The following FAM149B1 variants were observed in gnomAD, a reference collection of about 807,000 sequenced individuals.
The protein encoded by FAM149B1 is primary cilium assembly protein FAM149B1.
Under a neutral mutation model 75.3 loss-of-function variants are expected in FAM149B1, and 56 were observed. The observed-to-expected ratio is 0.74, with a 90% CI of 0.60 to 0.93. The LOEUF is 0.93. Among genes scored for constraint, FAM149B1 ranks in the 40% least tolerant of loss-of-function variants. FAM149B1 has a pLI of 0.00. For missense variants in FAM149B1, 639 were observed against 708.4 expected, an observed-to-expected ratio of 0.90 and a Z score of 1.11; for synonymous variants, 259 against 256.1, an observed-to-expected ratio of 1.01 and a Z score of -0.11.
intron 7 of FAM149B1, among the ~76,000 whole-genome samples, chr10:73,225,386 T>G (rs1255325735): frequency 2.6e-5 from 4 of 152,174 alleles, no homozygotes; most frequent in African/African-American, 9.7e-5. Context: ...CCTCATCCTA[T>G]GTAGGCCTAG....
chr10:73,221,095 T>C (rs1249921027), intron 7 of FAM149B1, among the ~76,000 whole-genome samples: 1 of 151,966 alleles, frequency 6.6e-6, no homozygotes, highest in Non-Finnish European at 1.5e-5. Flanking sequence ...AGAGACAGAG[T>C]TTAGTGGTTG....
chr10:73,221,592 C>A (rs1002745012), intron 7 of FAM149B1, among the ~76,000 whole-genome samples: 3 of 151,904 alleles, frequency 2.0e-5, no homozygotes, highest in African/African-American at 7.3e-5. Flanking sequence ...TGGTTTTGAA[C>A]AATTTGACTA....
intron 5 of FAM149B1, among the ~76,000 whole-genome samples, chr10:73,202,403 G>A (rs1041322668): frequency 1.3e-5 from 2 of 151,404 alleles, no homozygotes; most frequent in Non-Finnish European, 2.9e-5. Flanking sequence ...GGAATAATAC[G>A]ATAGCAGAAT....
In FAM149B1 at chr10:73,228,161, G is replaced by A; in HGVS notation, c.1000G>A (p.Val334Met). ...GTTACCGCGAGTGCCACAGTCTAAG[G>A]TGCTGTACATTACCTCAAATCCGGT... is the stretch of plus-strand genomic sequence containing the variant. ...LVLPRVPQSKVLYITSNPMSL... is the reference protein window; with the variant it reads ...LVLPRVPQSKMLYITSNPMSL... The change falls in exon 8 of 14, where the codon GTG becomes ATG. Residue 334 changes from valine (V) to methionine (M), a missense_variant. By Grantham distance (21) the Val-to-Met change is conservative (BLOSUM62 1). Transcript: ENST00000242505. 6.4e-7 allele frequency: 1 copy of A among 1,551,600 alleles called. No homozygotes were observed. The highest frequency in any genetic ancestry group is 1.2e-5 in the South Asian group (1 of 84,046).
chr10:73,212,327 C>T (rs2043203227), intron 7 of FAM149B1, among the ~76,000 whole-genome samples: 1 of 152,204 alleles, frequency 6.6e-6, no homozygotes, highest in Non-Finnish European at 1.5e-5. Context: ...GTCACCCAGG[C>T]TGGAGTGCAG....
At position 73,243,364 on chromosome 10, in the gene FAM149B1, A is replaced by G. The variant is rs759232312; in HGVS notation, c.*2345A>G. ...CTGCACCTTGCCTACGATGGCATCA[A>G]TTTACACCTAAGGACCTTTGAAGAG... is the stretch of plus-strand genomic sequence containing the variant. On this transcript the variant is annotated 3_prime_UTR_variant, in exon 14 of 14. Coordinates refer to ENST00000242505, the MANE Select transcript of FAM149B1 (RefSeq NM_173348.2). 4.3e-6 allele frequency: 7 copies of G among 1,610,214 alleles called. No individual in the cohort carries two copies. Among genetic ancestry groups the G allele is most frequent in the Non-Finnish European group, 5.9e-6 (7 of 1,179,364 alleles).
Position 73,210,252 on chromosome 10 carries a change from G to A in FAM149B1, c.712G>A (p.Glu238Lys). ...CTTTCCTTCTTGCTTCTGTTACAGA[G>A]AAGAGGGATTTCATGGGAAGAAATC... ...EYLAFDHIDI[E>K]EGFHGKKSEA... The change falls in exon 7 of 14, where the codon GAA becomes AAA. Residue 238 changes from glutamate (E) to lysine (K), a missense_variant and splice_region_variant. Physicochemically the swap from Glu to Lys is moderately conservative, Grantham distance 56. Transcript: ENST00000242505. The A allele has an allele frequency of 2.6e-6, 4 of 1,549,462 alleles. No homozygotes were observed. Among genetic ancestry groups the A allele is most frequent in the Non-Finnish European group, 3.5e-6 (4 of 1,145,356 alleles).
At chr10:73,227,916 A>G in intron 7 of FAM149B1, 144 bp from the exon 8 acceptor site, 2 of 861,152 alleles carry the variant, frequency 2.3e-6, no homozygotes, top group Non-Finnish European at 3.6e-6. Context: ...TTTTTGAACC[A>G]TGCAGGTGGC....
chr10:73,182,211 CTTTT>C (rs1193905747), intron 3 of FAM149B1, among the ~76,000 whole-genome samples: 1 of 109,400 alleles, frequency 9.1e-6, no homozygotes, highest in Admixed American at 9.5e-5. Context: ...CAGTCTGTGT[CTTTT>C]TTTTTTTTTT....
intron 12 of FAM149B1, among the ~76,000 whole-genome samples, chr10:73,238,208 A>T (rs1421403061): frequency 1.3e-5 from 2 of 152,098 alleles, no homozygotes; most frequent in Non-Finnish European, 2.9e-5. Context: ...TTAGCCAGGC[A>T]TGGTGGTGCA....
chr10:73,210,421 G>A lies in FAM149B1; in HGVS notation c.881G>A (p.Trp294Ter). The change falls in exon 7 of 14, where the codon TGG (tryptophan) becomes TAG (stop). Residue 294 changes from tryptophan to a stop codon, truncating the protein, a stop_gained. Transcript: ENST00000242505. LOFTEE classifies it high-confidence loss of function. ...SCMEQLTRSH[W>*]EGFASDDESN... ...ATGGAGCAGTTGACACGTAGTCACT[G>A]GGAAGGATTTGCCTCTGGTAAGGAT... The A allele has an allele frequency of 6.5e-7, 1 of 1,539,392 alleles. No homozygotes were observed. Among genetic ancestry groups the A allele is most frequent in the Non-Finnish European group, 8.8e-7 (1 of 1,142,320 alleles).
chr10:73,215,219 T>C (rs745792320), intron 7 of FAM149B1, among the ~76,000 whole-genome samples: 9 of 151,994 alleles, frequency 5.9e-5, no homozygotes, highest in Non-Finnish European at 8.8e-5. Context: ...TAGGGTTTTG[T>C]CATGTTGGCG....
Position 73,168,347 on chromosome 10 carries a change from C to G in FAM149B1, c.8C>G (p.Ser3Cys). The G allele has an allele frequency of 6.5e-7, 1 of 1,549,610 alleles. No individual in the cohort carries two copies. Among genetic ancestry groups the G allele is most frequent in the Admixed American group, 2.0e-5 (1 of 50,982 alleles). The stretch of plus-strand genomic sequence containing the variant: ...AGGAGGAGGAGGAGGAGGATGATCT[C>G]CAGATACACTCGGAAGGCGGTGCCA... MI[S>C]RYTRKAVPQS... is the part of the protein sequence containing the mutation. The change falls in exon 1 of 14, where the codon TCC becomes TGC. Residue 3 changes from serine to cysteine, a missense_variant. Ser to Cys is a moderately radical substitution (Grantham distance 112). Transcript: ENST00000242505.
intron 6 of FAM149B1, among the ~76,000 whole-genome samples, chr10:73,209,890 T>C (rs539387561): frequency 3.4e-5 from 5 of 148,312 alleles, no homozygotes; most frequent in South Asian, 2.3e-4. Context: ...ATTTTTTTTT[T>C]CCCATTGCAT....
chr10:73,174,159 A>C (rs973758379), intron 1 of FAM149B1, among the ~76,000 whole-genome samples: 1 of 152,132 alleles, frequency 6.6e-6, no homozygotes, highest in Non-Finnish European at 1.5e-5. Flanking sequence ...GTAAGTTTTC[A>C]TTTCTCTAGG....
At chr10:73,176,167 A>T (rs1245928224) in intron 2 of FAM149B1, among the ~76,000 whole-genome samples, 1 of 152,122 alleles carries the variant, frequency 6.6e-6, no homozygotes, top group Admixed American at 6.6e-5. Context: ...TTAGATTCCC[A>T]TAAGGAATGC....
At chr10:73,233,472 G>A (rs755504012) in intron 10 of FAM149B1, among the ~76,000 whole-genome samples, 5 of 152,106 alleles carry the variant, frequency 3.3e-5, no homozygotes, top group Admixed American at 1.3e-4. Context: ...TCAAGTAGCC[G>A]GGACCACAGG....
In FAM149B1 at chr10:73,168,217, G is replaced by T. The variant is rs1386469901; in HGVS notation, c.-123G>T. ...GAGTCTAGGTGACGGGGCGAGACGG[G>T]GCCGGTAGGTGGCGGGAGGGGCCGG... On this transcript the variant is annotated 5_prime_UTR_variant, in exon 1 of 14. Coordinates refer to ENST00000242505, the MANE Select transcript of FAM149B1 (RefSeq NM_173348.2). The T allele has an allele frequency of 3.8e-6, 4 of 1,039,054 alleles. No homozygotes were observed. The highest frequency in any genetic ancestry group is 4.1e-6 in the Non-Finnish European group (3 of 726,946). The allele number at this position is 1,039,054 out of a possible 1,614,324, so 64.4% of individuals were successfully genotyped here.
rs1232946922 is a variant in FAM149B1 at position 73,208,779 on chromosome 10, A to G, written c.703A>G (p.Ile235Val). 6.6e-7 allele frequency: 1 copy of G among 1,505,588 alleles called. No individual in the cohort carries two copies. 93.3% of individuals were successfully genotyped at this position (1,505,588 alleles called of 1,614,324 possible). A position where few individuals can be genotyped will look rare whatever the true frequency, so the allele number is the denominator to read the frequency against. ...IIEEYLAFDH[I>V]DIEEGFHGKK... Reference sequence around the variant, plus strand: ...TGAGGAATACCTAGCATTCGATCACATAGATATGTGAGTATTATGCCTTTT... The same window carrying G: ...TGAGGAATACCTAGCATTCGATCACGTAGATATGTGAGTATTATGCCTTTT... The change falls in exon 6 of 14, where the codon ATA becomes GTA. Residue 235 changes from isoleucine to valine, a missense_variant. Physicochemically the swap from Ile to Val is conservative, Grantham distance 29. Coordinates refer to ENST00000242505, the MANE Select transcript of FAM149B1 (RefSeq NM_173348.2).
Sources: gnomAD v4.1 joint callset for allele counts (sites outside exome capture counted in the v4.1 genomes callset) on GRCh38, gnomAD v4.1.1 for gene constraint, MANE v1.5 for transcripts, NCBI Gene and HGNC (gene_info 2026-07-23, HGNC 2026-07-21) for gene names.